Variants in USP13 observed in about 807,000 individuals in gnomAD.
The protein encoded by USP13 is ubiquitin carboxyl-terminal hydrolase 13.
In USP13, 68 loss-of-function variants were observed where a neutral mutation model predicts 107.8. That is an observed-to-expected ratio of 0.63 (90% CI 0.52 to 0.77). The LOEUF is 0.77. Ranked by LOEUF, USP13 falls within the 30% of genes least tolerant of loss-of-function variation. The probability of loss-of-function intolerance (pLI) is 0.00; values close to 1 mark genes in which losing one functional copy is unlikely to be tolerated. For synonymous variants in USP13, 377 were observed against 389.5 expected (o/e 0.97, Z 0.38); for missense variants, 945 against 1,093.3 (o/e 0.86, Z 1.91).
intron 1 of USP13, among the ~76,000 whole-genome samples, chr3:179,675,532 CTATTT>C (rs1351085559): frequency 1.5e-5 from 2 of 129,178 alleles, no homozygotes; most frequent in Non-Finnish European, 3.2e-5. Flanking sequence ...TATCTGTAAC[CTATTT>C]TATTATTATT....
At chr3:179,778,692 G>A (rs957272956) in intron 19 of USP13, among the ~76,000 whole-genome samples, 66 of 152,250 alleles carry the variant, frequency 4.3e-4, no homozygotes, top group Admixed American at 7.8e-4. Flanking sequence ...CTTGAATCCC[G>A]GAGGCGGAGG....
intron 4 of USP13, among the ~76,000 whole-genome samples, chr3:179,703,716 T>C (rs2268942): frequency 0.17 from 26,579 of 152,200 alleles, 2,574 homozygotes; most frequent in Non-Finnish European, 0.2. Flanking sequence ...AGATTGGTAG[T>C]AGCAGACCAT....
rs1403804414 is a variant in USP13, at chr3:179,779,454, C to T, written c.2414-2285C>T. 3.9e-5 allele frequency among the ~76,000 whole-genome samples: 6 copies of T among 152,000 alleles called. No homozygotes were observed. The East Asian group carries it at 1.2e-3, about 29-fold the overall frequency. On this transcript the variant is annotated intron_variant, in intron 19 of 20. Coordinates refer to ENST00000263966, the MANE Select transcript of USP13 (RefSeq NM_003940.3). ...CTGAGGTAGGAGAATCACTTGAAGCCAGGGGGTGGAGGTTGCAGTGAGCCG... is the reference window on the plus strand; with the variant it reads ...CTGAGGTAGGAGAATCACTTGAAGCTAGGGGGTGGAGGTTGCAGTGAGCCG...
chr3:179,692,506 A>G (rs1468125799), intron 3 of USP13, among the ~76,000 whole-genome samples: 1 of 152,168 alleles, frequency 6.6e-6, no homozygotes, highest in Admixed American at 6.6e-5. Flanking sequence ...AGTTTAACCA[A>G]CTAAACCCAA....
intron 10 of USP13, among the ~76,000 whole-genome samples, chr3:179,737,912 T>G (rs922750528): frequency 6.6e-6 from 1 of 152,236 alleles, no homozygotes; most frequent in African/African-American, 2.4e-5. Context: ...GATTATGTTT[T>G]CAGCAAGACA....
intron 19 of USP13, among the ~76,000 whole-genome samples, chr3:179,778,368 G>A (rs375936619): frequency 5.9e-5 from 9 of 152,292 alleles, no homozygotes; most frequent in African/African-American, 1.9e-4. Flanking sequence ...ACTGTTCTCT[G>A]TGCCTGAATA....
chr3:179,744,804 G>A (rs1489247229), intron 12 of USP13, among the ~76,000 whole-genome samples: 1 of 152,106 alleles, frequency 6.6e-6, no homozygotes, highest in East Asian at 1.9e-4. Context: ...CTTCCCTCCT[G>A]TCAGTCGCAA....
Position 179,774,100 on chromosome 3 carries a change from A to G in USP13, c.2414-7639A>G, listed in dbSNP as rs750591535. Among the ~76,000 whole-genome samples the G allele has an allele frequency of 5.3e-5, 8 of 152,336 alleles. No individual in the cohort carries two copies. In the East Asian group the frequency reaches 5.8e-4, roughly 11 times the overall value. On this transcript the variant is annotated intron_variant, in intron 19 of 20. Transcript: ENST00000263966. ...AGAGGCCTTAGGAAGCTTTCAGTCAATGGAAGGCAGAGGAGGAGCAAGCGT... is the reference window on the plus strand; with the variant it reads ...AGAGGCCTTAGGAAGCTTTCAGTCAGTGGAAGGCAGAGGAGGAGCAAGCGT...
intron 2 of USP13, 52 bp from the exon 3 acceptor site, chr3:179,690,189 A>G (rs1712063835): frequency 1.3e-6 from 2 of 1,554,358 alleles, no homozygotes; most frequent in Non-Finnish European, 8.8e-7. Flanking sequence ...TTCCCTCACA[A>G]AGATGTTTAT....
At chr3:179,728,606 A>G (rs4619783) in intron 8 of USP13, among the ~76,000 whole-genome samples, 104,306 of 150,416 alleles carry the variant, frequency 0.69, 36,337 homozygotes, top group Non-Finnish European at 0.72. Context: ...CTGCAATCTC[A>G]GCACTTTGGG....
intron 19 of USP13, among the ~76,000 whole-genome samples, chr3:179,772,770 T>G (rs935666501): frequency 6.6e-6 from 1 of 152,214 alleles, no homozygotes; most frequent in Non-Finnish European, 1.5e-5. Flanking sequence ...GAAGGAAGTG[T>G]TTGCCTTTCG....
At chr3:179,783,087 A>G (rs1260831311) in intron 20 of USP13, among the ~76,000 whole-genome samples, 1 of 152,172 alleles carries the variant, frequency 6.6e-6, no homozygotes, top group East Asian at 1.9e-4. Context: ...TACAAACACG[A>G]TAGCGCTTTA....
chr3:179,705,431 G>A (rs569829337), intron 4 of USP13, among the ~76,000 whole-genome samples: 2 of 152,176 alleles, frequency 1.3e-5, no homozygotes, highest in South Asian at 2.1e-4. Context: ...ATCCTCCAGC[G>A]CTTCCTCCAT....
chr3:179,653,502 G>A lies in USP13; in HGVS notation c.168+109G>A. On this transcript the variant is annotated intron_variant, in intron 1 of 20. Transcript: ENST00000263966. The surrounding 1 kb of genome is among the most constrained non-coding windows in gnomAD (Gnocchi z 4.0). ...CGGGACCTCTTCTCTTCCTCCGGGC[G>A]GCAGAGTTGGCTCAGGAACACTGCA... 3.5e-6 allele frequency: 5 copies of A among 1,429,214 alleles called. No individual in the cohort carries two copies. Among genetic ancestry groups the A allele is most frequent in the South Asian group, 1.4e-5 (1 of 72,250 alleles). The allele number at this position is 1,429,214 out of a possible 1,614,324, so 88.5% of individuals were successfully genotyped here.
chr3:179,675,154 G>A (rs1168027121), intron 1 of USP13, among the ~76,000 whole-genome samples: 34 of 150,258 alleles, frequency 2.3e-4, no homozygotes, highest in Non-Finnish European at 4.9e-4. Flanking sequence ...CAGCCTGGGC[G>A]ACAGAGTGAC....
rs139397160 is a variant in USP13, at chr3:179,694,358, T to A, written c.355+4057T>A. 6.6e-5 allele frequency among the ~76,000 whole-genome samples: 10 copies of A among 152,288 alleles called. No individual in the cohort carries two copies. The East Asian group carries it at 1.9e-3, about 29-fold the overall frequency. Reference sequence around the variant, plus strand: ...GGAAACAGTAAGTGTGGTGATGTGATGGCCTCATGTTCACCAGGGATCTAG... The same window carrying A: ...GGAAACAGTAAGTGTGGTGATGTGAAGGCCTCATGTTCACCAGGGATCTAG... On this transcript the variant is annotated intron_variant, in intron 3 of 20. Coordinates refer to ENST00000263966, the MANE Select transcript of USP13 (RefSeq NM_003940.3).
chr3:179,756,327 G>A (rs1228572006), intron 15 of USP13, among the ~76,000 whole-genome samples: 2 of 152,140 alleles, frequency 1.3e-5, no homozygotes, highest in Non-Finnish European at 1.5e-5. Flanking sequence ...GGAGGCTGAG[G>A]CAAGAGAATC....
At chr3:179,654,333 A>C (rs1391072273) in intron 1 of USP13, among the ~76,000 whole-genome samples, 2 of 152,196 alleles carry the variant, frequency 1.3e-5, no homozygotes, top group African/African-American at 2.4e-5. Flanking sequence ...TGCCCTTCTA[A>C]ATGAGTCACT....
Position 179,740,324 on chromosome 3 carries a change from G to T in USP13, c.1332G>T (p.Arg444Ser). Residue 444 changes from arginine (R) to serine (S), a missense_variant, in exon 11 of 21, where the codon AGG becomes AGT. Arg to Ser is a moderately radical substitution (Grantham distance 110, BLOSUM62 -1). Transcript: ENST00000263966. ...SKSHPEFSSN[R>S]QQDAQEFFLH... is the part of the protein sequence containing the mutation. ...GCCACCCGGAATTCTCCTCTAACAG[G>T]CAGCAAGATGCCCAGGAATTCTTCT... 1 of 1,614,090 alleles carries T rather than the reference G, an allele frequency of 6.2e-7. No individual in the cohort carries two copies. Among genetic ancestry groups the T allele is most frequent in the Non-Finnish European group, 8.5e-7 (1 of 1,180,036 alleles).
Sources: gnomAD v4.1 joint callset for allele counts (sites outside exome capture counted in the v4.1 genomes callset) on GRCh38, gnomAD v4.1.1 for gene constraint, Gnocchi (gnomAD v3.1) non-coding constraint, MANE v1.5 for transcripts, NCBI Gene and HGNC (gene_info 2026-07-23, HGNC 2026-07-21) for gene names.